Variants in CAB39L observed in about 807,000 individuals in gnomAD.
CAB39L encodes the protein calcium binding protein 39 like, also known as calcium-binding protein 39-like.
A neutral mutation model predicts 39.1 loss-of-function variants in CAB39L; 23 were observed. That is an observed-to-expected ratio of 0.59 (90% CI 0.42 to 0.83). CAB39L has a LOEUF of 0.83. CAB39L is among the 40% of genes least tolerant of loss of function. CAB39L has a pLI of 0.00. For missense variants in CAB39L, 366 were observed against 391.9 expected (o/e 0.93, Z 0.56); for synonymous variants, 126 against 137.2 (o/e 0.92, Z 0.57).
chr13:49,378,392 TG>T (rs1483296408), intron 4 of CAB39L, among the ~76,000 whole-genome samples: 1 of 47,928 alleles, frequency 2.1e-5, no homozygotes, highest in Non-Finnish European at 3.9e-5. Context: ...TGGCCAGCCG[TG>T]CCGTCCGGGA....
intron 8 of CAB39L, among the ~76,000 whole-genome samples, chr13:49,340,817 T>C (rs1338031336): frequency 6.6e-6 from 1 of 152,196 alleles, no homozygotes; most frequent in South Asian, 2.1e-4. Flanking sequence ...TAAAGAAATA[T>C]CAGCTGAAAG....
At chr13:49,433,426 T>A (rs1259572284) in intron 2 of CAB39L, 33 bp from the exon 3 acceptor site, 4 of 446,270 alleles carry the variant, frequency 9.0e-6, no homozygotes, top group Non-Finnish European at 1.8e-5. Flanking sequence ...AATTAATTTT[T>A]AAAGTCTTTA....
chr13:49,396,640 G>A (rs1023480673), intron 3 of CAB39L, among the ~76,000 whole-genome samples: 28 of 151,952 alleles, frequency 1.8e-4, no homozygotes, highest in South Asian at 1.0e-3. Context: ...CCCAGAAGGC[G>A]GAGGTTGCAG....
At chr13:49,313,282 C>T (rs922979845) in intron 10 of CAB39L, among the ~76,000 whole-genome samples, 3 of 152,144 alleles carry the variant, frequency 2.0e-5, no homozygotes, top group Middle Eastern at 3.4e-3. Context: ...GAGATCGAGA[C>T]CATCCTGGCT....
At chr13:49,349,172 G>A (rs1328837224) in intron 7 of CAB39L, among the ~76,000 whole-genome samples, 5 of 151,986 alleles carry the variant, frequency 3.3e-5, no homozygotes, top group African/African-American at 4.8e-5. Context: ...CTATTTAAAA[G>A]AACTATTTAC....
intron 10 of CAB39L, among the ~76,000 whole-genome samples, chr13:49,330,885 A>G (rs1954671439): frequency 6.6e-6 from 1 of 152,068 alleles, no homozygotes; most frequent in Non-Finnish European, 1.5e-5. Flanking sequence ...AATATCAATG[A>G]CATAGGACTA....
intron 3 of CAB39L, among the ~76,000 whole-genome samples, chr13:49,390,142 C>T (rs1956456165): frequency 6.6e-6 from 1 of 152,174 alleles, no homozygotes; most frequent in Non-Finnish European, 1.5e-5. Flanking sequence ...TCACCTTGGC[C>T]TCCCAAAGTG....
intron 1 of CAB39L, among the ~76,000 whole-genome samples, chr13:49,440,947 T>C (rs993480825): frequency 1.3e-5 from 2 of 152,020 alleles, no homozygotes; most frequent in African/African-American, 2.4e-5. Context: ...CCAAGAGAGA[T>C]AGTCTGACTT....
chr13:49,430,218 G>A (rs1244811954), intron 3 of CAB39L, among the ~76,000 whole-genome samples: 2 of 152,128 alleles, frequency 1.3e-5, no homozygotes, highest in Non-Finnish European at 2.9e-5. Flanking sequence ...AACTAAAGAT[G>A]CCCTTTTGCA....
In CAB39L at chr13:49,341,400, C is replaced by T. The variant is rs376409363; in HGVS notation, c.625-1658G>A. Among the ~76,000 whole-genome samples the T allele has an allele frequency of 8.1e-4, 123 of 152,136 alleles. 2 individuals are homozygous for T. In the South Asian group the frequency reaches 9.5e-3, roughly 12 times the overall value. ...CCCGAGTAGATGGGATTACAGGCACCCGCCACCACATCTGGCTAATTTTTG... is the reference window on the plus strand; with the variant it reads ...CCCGAGTAGATGGGATTACAGGCACTCGCCACCACATCTGGCTAATTTTTG... On this transcript the variant is annotated intron_variant, in intron 8 of 10. Transcript: ENST00000409308.
chr13:49,329,596 T>C (rs183845753), intron 10 of CAB39L, among the ~76,000 whole-genome samples: 1 of 122,654 alleles, frequency 8.2e-6, no homozygotes, highest in East Asian at 2.6e-4. Context: ...TATATATATA[T>C]AATGATGTAA....
chr13:49,385,676 C>G (rs188486458), intron 3 of CAB39L, among the ~76,000 whole-genome samples: 55 of 152,226 alleles, frequency 3.6e-4, no homozygotes, highest in Admixed American at 1.9e-3. Context: ...TATGAGCCAG[C>G]CTAATTTCAG....
chr13:49,385,430 T>A (rs972206779), intron 3 of CAB39L, among the ~76,000 whole-genome samples: 2 of 152,212 alleles, frequency 1.3e-5, no homozygotes, highest in Non-Finnish European at 2.9e-5. Flanking sequence ...ATTAGCTGTT[T>A]TGTTTTCTTA....
intron 1 of CAB39L, among the ~76,000 whole-genome samples, chr13:49,443,531 G>A (rs1177814337): frequency 1.3e-5 from 2 of 152,152 alleles, no homozygotes; most frequent in Non-Finnish European, 2.9e-5. Flanking sequence ...GAGGATAGTA[G>A]AGAGGCACTC....
chr13:49,339,297 A>G, intron 9 of CAB39L, among the ~76,000 whole-genome samples: 1 of 151,768 alleles, frequency 6.6e-6, no homozygotes, highest in Non-Finnish European at 1.5e-5. Context: ...CGCCCAGCTA[A>G]TTTTTGTATT....
intron 3 of CAB39L, among the ~76,000 whole-genome samples, chr13:49,416,564 T>C (rs1208069939): frequency 6.6e-6 from 1 of 152,208 alleles, no homozygotes; most frequent in Admixed American, 6.5e-5. Flanking sequence ...CCTGGACCTG[T>C]AGGCACTATG....
At chr13:49,411,025 G>A (rs1010473922) in intron 3 of CAB39L, among the ~76,000 whole-genome samples, 5 of 152,166 alleles carry the variant, frequency 3.3e-5, no homozygotes, top group African/African-American at 1.2e-4. Context: ...TGTTCTAGCT[G>A]TACTCATTCT....
intron 10 of CAB39L, among the ~76,000 whole-genome samples, chr13:49,311,903 T>C (rs1404229482): frequency 1.3e-5 from 2 of 152,140 alleles, no homozygotes; most frequent in African/African-American, 2.4e-5. Context: ...TATGTATTTA[T>C]TTATTTTTGA....
At chr13:49,335,020 C>T (rs1012419034) in intron 9 of CAB39L, among the ~76,000 whole-genome samples, 1 of 152,114 alleles carries the variant, frequency 6.6e-6, no homozygotes, top group Admixed American at 6.5e-5. Flanking sequence ...TTAAACTCTC[C>T]TTGTGACAGA....
Sources: gnomAD v4.1 joint callset for allele counts (sites outside exome capture counted in the v4.1 genomes callset) on GRCh38, gnomAD v4.1.1 for gene constraint, MANE v1.5 for transcripts, NCBI Gene and HGNC (gene_info 2026-07-23, HGNC 2026-07-21) for gene names.